HIVEP3: variants seen among roughly 807,000 people sequenced by gnomAD.
HIVEP3 encodes the protein HIVEP zinc finger 3.
In HIVEP3, 49 loss-of-function variants were observed where a neutral mutation model predicts 152.8. That is an observed-to-expected ratio of 0.32 (90% CI 0.26 to 0.41). The LOEUF is 0.41. Among genes scored for constraint, HIVEP3 ranks in the 10% least tolerant of loss-of-function variants. HIVEP3 has a pLI of 1.00. For missense variants in HIVEP3, 2,790 were observed against 3,103.3 expected (o/e 0.90, Z 2.40); for synonymous variants, 1,269 against 1,289.0 (o/e 0.98, Z 0.33).
chr1:41,720,228 C>T (rs1646655419), intron 1 of HIVEP3, among the ~76,000 whole-genome samples: 1 of 152,234 alleles, frequency 6.6e-6, no homozygotes. Context: ...GCTCAGGACA[C>T]CACCTCTGAG....
chr1:41,762,670 G>A (rs182665151), intron 1 of HIVEP3, among the ~76,000 whole-genome samples: 136 of 152,292 alleles, frequency 8.9e-4, no homozygotes, highest in African/African-American at 3.1e-3. Context: ...GCAGCTAGCC[G>A]GACCCCACAC....
At chr1:42,008,302 A>G (rs1376816772) in intron 1 of HIVEP3, among the ~76,000 whole-genome samples, 2 of 152,120 alleles carry the variant, frequency 1.3e-5, no homozygotes, top group Non-Finnish European at 2.9e-5. Context: ...ACCAAGACAC[A>G]TTTTTGTTTC....
At chr1:41,513,801 T>C (rs768129261) in intron 7 of HIVEP3, 51 bp from the exon 8 acceptor site, 6 of 1,430,034 alleles carry the variant, frequency 4.2e-6, no homozygotes, top group Non-Finnish European at 5.6e-6. Context: ...TTGGCCCCAC[T>C]GCCCACACGG....
chr1:41,916,057 A>T (rs1403131884), intron 1 of HIVEP3, among the ~76,000 whole-genome samples: 1 of 152,212 alleles, frequency 6.6e-6, no homozygotes, highest in East Asian at 1.9e-4. Flanking sequence ...CAGTTGTCAC[A>T]CAGCTTTCTT....
chr1:41,526,839 G>A lies in HIVEP3; in HGVS notation c.5208-1929C>T, dbSNP rs368634194. Among the ~76,000 whole-genome samples the A allele has an allele frequency of 2.7e-3, 150 of 55,526 alleles. 1 individual carries two copies. The highest frequency in any genetic ancestry group is 9.1e-3 in the African/African-American group (123 of 13,506). The allele number at this position is 55,526 out of a possible 152,430, so 36.4% of individuals were successfully genotyped here. ...CACCCCCCCACACTCCCTCACACCC[G>A]TTCACACACTCACCCTAACACGCTC... On this transcript the variant is annotated intron_variant, in intron 5 of 8. Transcript: ENST00000372583.
At chr1:41,733,273 TG>T (rs1341817929) in intron 1 of HIVEP3, among the ~76,000 whole-genome samples, 1 of 152,112 alleles carries the variant, frequency 6.6e-6, no homozygotes, top group Non-Finnish European at 1.5e-5. Flanking sequence ...AGCCAAGGGA[TG>T]GGATGTCCTT....
In HIVEP3 at chr1:41,557,662, C is replaced by T. The variant is rs756320548; in HGVS notation, c.5207+17882G>A. ...ACCCAACCTGTGGGGCCCAGAGCCTCGTCTCTCTCCAGGGGTGGGGGGCAG... is the reference window on the plus strand; with the variant it reads ...ACCCAACCTGTGGGGCCCAGAGCCTTGTCTCTCTCCAGGGGTGGGGGGCAG... On this transcript the variant is annotated intron_variant, in intron 5 of 8. Transcript: ENST00000372583. 2.0e-5 allele frequency among the ~76,000 whole-genome samples: 3 copies of T among 150,772 alleles called. No homozygotes were observed. In the South Asian group the frequency reaches 6.3e-4, roughly 32 times the overall value.
intron 1 of HIVEP3, among the ~76,000 whole-genome samples, chr1:41,735,759 G>C (rs1457208261): frequency 6.6e-6 from 1 of 152,056 alleles, no homozygotes; most frequent in Non-Finnish European, 1.5e-5. Flanking sequence ...CTGCTCCCTG[G>C]CCACCCACGT....
intron 1 of HIVEP3, chr1:41,848,093 C>T (rs920127729): frequency 2.6e-5 from 4 of 152,082 alleles, no homozygotes. Context: ...ATATTTTCTC[C>T]TAGGGAAGGA....
At chr1:42,014,421 G>A (rs1434596039) in intron 1 of HIVEP3, among the ~76,000 whole-genome samples, 2 of 152,078 alleles carry the variant, frequency 1.3e-5, no homozygotes, top group Non-Finnish European at 2.9e-5. Context: ...AAAAGGCAGA[G>A]AAAGGTGAGA....
chr1:41,876,040 CA>C (rs1644164817), intron 1 of HIVEP3, among the ~76,000 whole-genome samples: 2 of 151,946 alleles, frequency 1.3e-5, no homozygotes, highest in Admixed American at 1.3e-4. Context: ...ATAAAGTGGA[CA>C]ACTCTCCTTT....
chr1:41,823,713 C>A (rs1570610808), intron 1 of HIVEP3, among the ~76,000 whole-genome samples: 1 of 152,116 alleles, frequency 6.6e-6, no homozygotes, highest in African/African-American at 2.4e-5. Context: ...TCCTTCCCAG[C>A]CTCTGGGGAG....
chr1:41,837,186 C>T (rs968224949), intron 1 of HIVEP3, among the ~76,000 whole-genome samples: 3 of 152,172 alleles, frequency 2.0e-5, no homozygotes, highest in African/African-American at 7.2e-5. Flanking sequence ...AATACTCTTC[C>T]CGACACATCT....
intron 1 of HIVEP3, among the ~76,000 whole-genome samples, chr1:41,778,566 C>T (rs1648853174): frequency 6.6e-6 from 1 of 152,200 alleles, no homozygotes; most frequent in Admixed American, 6.5e-5. Flanking sequence ...GGCAGGTCAG[C>T]CTGACAGTTG....
intron 1 of HIVEP3, among the ~76,000 whole-genome samples, chr1:41,770,842 A>T (rs1240052854): frequency 6.6e-6 from 1 of 151,990 alleles, no homozygotes; most frequent in African/African-American, 2.4e-5. Flanking sequence ...TGTTGTGCTA[A>T]TGTTAATTTC....
intron 1 of HIVEP3, among the ~76,000 whole-genome samples, chr1:41,957,397 G>C (rs1298415489): frequency 6.6e-6 from 1 of 152,194 alleles, no homozygotes; most frequent in African/African-American, 2.4e-5. Context: ...TCAGTAAATA[G>C]AAAACTATTG....
intron 1 of HIVEP3, among the ~76,000 whole-genome samples, chr1:41,949,283 G>A (rs996740450): frequency 2.0e-5 from 3 of 151,980 alleles, no homozygotes; most frequent in East Asian, 1.9e-4. Flanking sequence ...TTTTGTTATC[G>A]GAGCAGGAGT....
rs564656849 is a variant in HIVEP3 at position 42,027,717 on chromosome 1, A to G, written n.119+8090T>C. Among the ~76,000 whole-genome samples the G allele has an allele frequency of 2.6e-5, 4 of 152,330 alleles. No individual in the cohort carries two copies. In the South Asian group the frequency reaches 6.2e-4, roughly 24 times the overall value. On this transcript the variant is annotated intron_variant and non_coding_transcript_variant, in intron 1 of 3. Coordinates refer to the HIVEP3 transcript ENST00000489103. ...GGTTTAACTGGACTTACAGTTCCGC[A>G]TGGCTGGGGAGGCCTCAAAATCATG...
At chr1:41,771,649 C>T (rs925845278) in intron 1 of HIVEP3, among the ~76,000 whole-genome samples, 6 of 152,038 alleles carry the variant, frequency 3.9e-5, no homozygotes, top group African/African-American at 9.7e-5. Context: ...ACAGTACTCT[C>T]GGGGCTTGGC....
Sources: allele counts gnomAD v4.1 joint callset (sites outside exome capture counted in the v4.1 genomes callset), GRCh38; gene constraint gnomAD v4.1.1; transcripts MANE v1.5; gene names NCBI Gene and HGNC (gene_info 2026-07-23, HGNC 2026-07-21).